The following KIF26B variants were observed in gnomAD, a reference collection of about 807,000 sequenced individuals.
The protein encoded by KIF26B is kinesin family member 26B, also known as kinesin-like protein KIF26B.
Under a neutral mutation model 151.2 loss-of-function variants are expected in KIF26B, and 63 were observed. The ratio of observed to expected loss-of-function variants is 0.42; its 90% confidence interval spans 0.34 to 0.51. The LOEUF is 0.51. KIF26B is among the 20% of genes least tolerant of loss of function. The pLI is 0.07. For missense variants in KIF26B, 2,813 were observed against 2,913.6 expected (o/e 0.97, Z 0.79); for synonymous variants, 1,357 against 1,262.1 (o/e 1.08, Z -1.59).
chr1:245,682,360 C>T (rs2044451350), intron 10 of KIF26B, among the ~76,000 whole-genome samples: 2 of 152,228 alleles, frequency 1.3e-5, no homozygotes, highest in East Asian at 3.8e-4. Flanking sequence ...TCAGTGTTCA[C>T]AAATATTTTA....
intron 4 of KIF26B, among the ~76,000 whole-genome samples, chr1:245,511,850 A>C (rs1279106044): frequency 6.6e-6 from 1 of 152,226 alleles, no homozygotes; most frequent in Non-Finnish European, 1.5e-5. Context: ...AAAACAAGTC[A>C]CTTGAAGACC....
At chr1:245,256,127 C>T (rs75245634) in intron 2 of KIF26B, among the ~76,000 whole-genome samples, 2,057 of 152,274 alleles carry the variant, frequency 0.014, 38 homozygotes, top group African/African-American at 0.037. Context: ...CCCTTCTCAG[C>T]TGTGTGACTT....
chr1:245,653,746 C>T (rs2044044757), intron 10 of KIF26B, among the ~76,000 whole-genome samples: 1 of 152,146 alleles, frequency 6.6e-6, no homozygotes, highest in Admixed American at 6.5e-5. Context: ...GCAAAGCTTG[C>T]ATATGTGTAG....
chr1:245,697,346 T>C (rs1054671287), intron 12 of KIF26B, among the ~76,000 whole-genome samples: 2 of 152,142 alleles, frequency 1.3e-5, no homozygotes, highest in Non-Finnish European at 2.9e-5. Context: ...AGAAAGAGGA[T>C]AGATACTGGG....
At chr1:245,382,459 G>A (rs1452416273) in intron 3 of KIF26B, among the ~76,000 whole-genome samples, 3 of 152,046 alleles carry the variant, frequency 2.0e-5, no homozygotes, top group African/African-American at 7.2e-5. Flanking sequence ...GCCTAAGATT[G>A]CTGTGAAGAT....
intron 4 of KIF26B, chr1:245,510,967 C>T: frequency 1.6e-6 from 1 of 642,632 alleles, no homozygotes; most frequent in Non-Finnish European, 2.8e-6. Context: ...AATTTTCCAG[C>T]CTTTCCTCCT....
At chr1:245,490,251 A>G (rs1660375390) in intron 4 of KIF26B, among the ~76,000 whole-genome samples, 1 of 151,616 alleles carries the variant, frequency 6.6e-6, no homozygotes, top group Non-Finnish European at 1.5e-5. Flanking sequence ...TTCTTCTCAG[A>G]CTATCCACGA....
In KIF26B at chr1:245,601,058, T is replaced by C. The variant is rs1220956518; in HGVS notation, c.1351-1519T>C. ...GGAGCATTGGGAGGATTAAATGAGA[T>C]CGTGTAGATAACAGCATAGTCCTGG... On this transcript the variant is annotated intron_variant, in intron 5 of 14. Transcript: ENST00000407071. The surrounding 1 kb of genome is among the most constrained non-coding windows in gnomAD (Gnocchi z 4.4). 6.6e-6 allele frequency among the ~76,000 whole-genome samples: 1 copy of C among 152,158 alleles called. No individual in the cohort carries two copies. The highest frequency in any genetic ancestry group is 1.5e-5 in the Non-Finnish European group (1 of 68,024).
At chr1:245,541,518 C>T (rs1169486420) in intron 5 of KIF26B, among the ~76,000 whole-genome samples, 1 of 152,218 alleles carries the variant, frequency 6.6e-6, no homozygotes, top group Non-Finnish European at 1.5e-5. Flanking sequence ...CACTTGGGAT[C>T]ACTTTATTTT....
intron 2 of KIF26B, among the ~76,000 whole-genome samples, chr1:245,168,101 G>C (rs543101124): frequency 1.3e-5 from 2 of 152,170 alleles, no homozygotes; most frequent in African/African-American, 4.8e-5. Flanking sequence ...GTAGTCGGTG[G>C]GCTCTAAGCT....
chr1:245,319,310 C>A (rs953829369), intron 2 of KIF26B, among the ~76,000 whole-genome samples: 1 of 152,308 alleles, frequency 6.6e-6, no homozygotes, highest in South Asian at 2.1e-4. Flanking sequence ...TAACAGCCTG[C>A]GGAAGAGTGG....
chr1:245,191,955 A>G (rs1443628383), intron 2 of KIF26B, among the ~76,000 whole-genome samples: 2 of 152,218 alleles, frequency 1.3e-5, no homozygotes, highest in African/African-American at 2.4e-5. Context: ...CATATAATGA[A>G]GGATAAATTA....
At chr1:245,444,315 G>C (rs908778746) in intron 4 of KIF26B, among the ~76,000 whole-genome samples, 12 of 152,232 alleles carry the variant, frequency 7.9e-5, no homozygotes, top group African/African-American at 1.9e-4. Context: ...GTTCAAGCAG[G>C]CTCCAGTGGC....
At chr1:245,666,627 T>G (rs1342560453) in intron 10 of KIF26B, among the ~76,000 whole-genome samples, 4 of 152,050 alleles carry the variant, frequency 2.6e-5, no homozygotes, top group Admixed American at 6.5e-5. Context: ...TAACAAGACC[T>G]CCCAAAGGCT....
chr1:245,474,660 G>C (rs183326015), intron 4 of KIF26B, among the ~76,000 whole-genome samples: 1 of 151,850 alleles, frequency 6.6e-6, no homozygotes, highest in Non-Finnish European at 1.5e-5. Flanking sequence ...TGATCCGCCT[G>C]CCTTGGCCTC....
chr1:245,254,089 C>A (rs1390243189), intron 2 of KIF26B, among the ~76,000 whole-genome samples: 2 of 152,130 alleles, frequency 1.3e-5, no homozygotes, highest in African/African-American at 4.8e-5. Flanking sequence ...GGATTACAGG[C>A]GTGAGCCACT....
chr1:245,373,646 A>G (rs1673180298), intron 3 of KIF26B, among the ~76,000 whole-genome samples: 1 of 152,214 alleles, frequency 6.6e-6, no homozygotes, highest in Non-Finnish European at 1.5e-5. Flanking sequence ...ATGCATTGGA[A>G]TGAATGTGAG....
intron 2 of KIF26B, among the ~76,000 whole-genome samples, chr1:245,181,209 C>T (rs1176242171): frequency 2.0e-5 from 3 of 152,056 alleles, no homozygotes; most frequent in Non-Finnish European, 2.9e-5. Flanking sequence ...TCCCCCCCTT[C>T]TTTCTTGCTC....
intron 2 of KIF26B, among the ~76,000 whole-genome samples, chr1:245,172,215 G>GT (rs544380966): frequency 3.3e-5 from 5 of 150,394 alleles, no homozygotes; most frequent in Non-Finnish European, 5.9e-5. Context: ...TCCCAGTCTG[G>GT]TGGGGGGGGT....
Sources: gnomAD v4.1 joint callset for allele counts (sites outside exome capture counted in the v4.1 genomes callset) on GRCh38, gnomAD v4.1.1 for gene constraint, Gnocchi (gnomAD v3.1) non-coding constraint, MANE v1.5 for transcripts, NCBI Gene and HGNC (gene_info 2026-07-23, HGNC 2026-07-21) for gene names.